The following ZNF385D variants were observed in gnomAD, a reference collection of about 807,000 sequenced individuals.
ZNF385D encodes zinc finger protein 659.
In ZNF385D, 15 loss-of-function variants were observed where a neutral mutation model predicts 35.8. The observed-to-expected ratio is 0.42, with a 90% CI of 0.28 to 0.64. ZNF385D has a LOEUF of 0.64. ZNF385D is among the 30% of genes least tolerant of loss of function. The probability of loss-of-function intolerance (pLI) is 0.23; values close to 1 mark genes in which losing one functional copy is unlikely to be tolerated. For synonymous variants in ZNF385D, 212 were observed against 186.8 expected (o/e 1.13, Z -1.10); for missense variants, 474 against 494.6 (o/e 0.96, Z 0.39).
At position 22,086,142 on chromosome 3, in the gene ZNF385D, C is replaced by G. The variant is rs564333116; in HGVS notation, c.325+82675G>C. ...GAAGCATTCCCTTTGAAAACTGGCACAAGACAGGGATGCTGTCTCTCACCA... is the reference window on the plus strand; with the variant it reads ...GAAGCATTCCCTTTGAAAACTGGCAGAAGACAGGGATGCTGTCTCTCACCA... On this transcript the variant is annotated intron_variant, in intron 3 of 5. Transcript: ENST00000494108. Among the ~76,000 whole-genome samples, 89 of 152,298 alleles carry G rather than the reference C, an allele frequency of 5.8e-4. 1 individual carries two copies. Among genetic ancestry groups the G allele is most frequent in the African/African-American group, 2.0e-3 (85 of 41,564 alleles).
chr3:22,251,480 A>C (rs1198284486), intron 2 of ZNF385D, among the ~76,000 whole-genome samples: 1 of 152,042 alleles, frequency 6.6e-6, no homozygotes, highest in Non-Finnish European at 1.5e-5. Flanking sequence ...AAATCTCTTA[A>C]GTGGCTATTC....
chr3:21,831,656 T>C (rs1032682351), intron 3 of ZNF385D, among the ~76,000 whole-genome samples: 4 of 152,156 alleles, frequency 2.6e-5, no homozygotes, highest in Non-Finnish European at 4.4e-5. Context: ...GCATAGATAA[T>C]TGGAACCCTC....
chr3:22,341,437 C>A (rs1396571295), intron 2 of ZNF385D, among the ~76,000 whole-genome samples: 2 of 152,068 alleles, frequency 1.3e-5, no homozygotes, highest in African/African-American at 4.8e-5. Context: ...GCTTTCTGGA[C>A]CTTTATTTTA....
intron 3 of ZNF385D, among the ~76,000 whole-genome samples, chr3:22,114,328 T>C (rs1414793098): frequency 6.6e-6 from 1 of 152,160 alleles, no homozygotes; most frequent in African/African-American, 2.4e-5. Flanking sequence ...CGTAGAAAAC[T>C]GATAAACAGT....
At chr3:22,036,908 C>A (rs113156794) in intron 3 of ZNF385D, among the ~76,000 whole-genome samples, 1 of 141,776 alleles carries the variant, frequency 7.1e-6, no homozygotes, top group Non-Finnish European at 1.5e-5. Context: ...TTCCCCTTCC[C>A]GTGTCCATGT....
chr3:21,636,378 TTATATATATATATATATATATA>T (rs1183440640), intron 2 of ZNF385D, among the ~76,000 whole-genome samples: 2 of 47,996 alleles, frequency 4.2e-5, no homozygotes, highest in African/African-American at 1.8e-4. Context: ...ATATATATGA[TTATATATATATATATATATATA>T]TATATATATA....
chr3:22,175,740 A>G (rs1457228719), intron 2 of ZNF385D, among the ~76,000 whole-genome samples: 1 of 151,598 alleles, frequency 6.6e-6, no homozygotes, highest in African/African-American at 2.4e-5. Flanking sequence ...CATACTGTAT[A>G]TATGTGTATA....
chr3:22,286,142 C>A (rs1324695205), intron 2 of ZNF385D, among the ~76,000 whole-genome samples: 1 of 152,042 alleles, frequency 6.6e-6, no homozygotes, highest in Non-Finnish European at 1.5e-5. Context: ...ACGGTACTTA[C>A]AGCATTATTT....
intron 2 of ZNF385D, among the ~76,000 whole-genome samples, chr3:21,621,190 C>A (rs1156417115): frequency 3.5e-5 from 5 of 142,376 alleles, no homozygotes. Context: ...AATAATTATG[C>A]ATTTGCTTGC....
intron 3 of ZNF385D, among the ~76,000 whole-genome samples, chr3:22,101,394 C>A (rs530204870): frequency 5.3e-5 from 8 of 152,142 alleles, no homozygotes; most frequent in Non-Finnish European, 1.5e-5. Flanking sequence ...GCAAAGGATG[C>A]AAGTTCACTG....
rs78505636 is a variant in ZNF385D, at chr3:22,269,617, T to C, written c.107-100582A>G. On this transcript the variant is annotated intron_variant, in intron 2 of 5. Transcript: ENST00000494108. ...TGATACTCCAAGAAAATGCACAGAT[T>C]GAAGAGTGAAATTAGAATTAAATGA... is the stretch of plus-strand genomic sequence containing the variant. Among the ~76,000 whole-genome samples the C allele has an allele frequency of 4.4e-3, 674 of 152,036 alleles. 7 individuals are homozygous for C. The highest frequency in any genetic ancestry group is 0.015 in the African/African-American group (641 of 41,514).
At chr3:21,803,307 C>T (rs1162382372) in intron 3 of ZNF385D, among the ~76,000 whole-genome samples, 1 of 152,156 alleles carries the variant, frequency 6.6e-6, no homozygotes, top group Non-Finnish European at 1.5e-5. Context: ...GGTGGAATGA[C>T]AAGAGTGTTC....
chr3:22,045,094 G>A (rs998959002), intron 3 of ZNF385D, among the ~76,000 whole-genome samples: 1 of 151,734 alleles, frequency 6.6e-6, no homozygotes, highest in African/African-American at 2.4e-5. Flanking sequence ...AGCTCCCATC[G>A]GATCCCTATT....
chr3:22,266,278 G>T (rs926476440), intron 2 of ZNF385D, among the ~76,000 whole-genome samples: 1 of 151,896 alleles, frequency 6.6e-6, no homozygotes, highest in African/African-American at 2.4e-5. Context: ...CATGCCGACT[G>T]GTAGAAAACA....
intron 3 of ZNF385D, among the ~76,000 whole-genome samples, chr3:22,058,918 T>G (rs1287970217): frequency 6.6e-6 from 1 of 152,184 alleles, no homozygotes; most frequent in African/African-American, 2.4e-5. Context: ...AATCCAAATC[T>G]TTTCCTCTTT....
chr3:22,306,530 T>A (rs1703229218), intron 2 of ZNF385D, among the ~76,000 whole-genome samples: 1 of 152,008 alleles, frequency 6.6e-6, no homozygotes, highest in South Asian at 2.1e-4. Context: ...ACAACCTTCA[T>A]AATCAAGAGA....
Position 21,683,565 on chromosome 3 carries a change from C to T in ZNF385D, c.23-18537G>A, listed in dbSNP as rs150518123. The stretch of plus-strand genomic sequence containing the variant: ...CTGGGAGGCGAAGGTTGCAGTGAGC[C>T]GAGATCGCACCACTGCACTCCAGCC... On this transcript the variant is annotated intron_variant, in intron 1 of 7. Coordinates refer to ENST00000281523, the MANE Select transcript of ZNF385D (RefSeq NM_024697.3). Among the ~76,000 whole-genome samples the T allele has an allele frequency of 6.2e-4, 92 of 149,206 alleles. 5 individuals carry two copies. The highest frequency in any genetic ancestry group is 1.8e-3 in the African/African-American group (73 of 40,514).
At chr3:22,114,236 T>C (rs922293140) in intron 3 of ZNF385D, among the ~76,000 whole-genome samples, 3 of 152,034 alleles carry the variant, frequency 2.0e-5, no homozygotes, top group African/African-American at 7.2e-5. Context: ...TGGATAAGGA[T>C]TTACATAACA....
At chr3:21,549,615 G>A (rs2062498678) in intron 3 of ZNF385D, among the ~76,000 whole-genome samples, 2 of 152,124 alleles carry the variant, frequency 1.3e-5, no homozygotes, top group African/African-American at 4.8e-5. Flanking sequence ...TTTCACACAG[G>A]GTTGACCTGA....
Sources: gnomAD v4.1 joint callset for allele counts (sites outside exome capture counted in the v4.1 genomes callset) on GRCh38, gnomAD v4.1.1 for gene constraint, MANE v1.5 for transcripts, NCBI Gene and HGNC (gene_info 2026-07-23, HGNC 2026-07-21) for gene names.